Variants in ZNF385B observed in about 807,000 individuals in gnomAD.
ZNF385B encodes the protein zinc finger protein 385B.
ZNF385B carries 23 observed loss-of-function variants against 39.2 expected under a neutral mutation model. The ratio of observed to expected loss-of-function variants is 0.59; its 90% CI spans 0.42 to 0.83. The LOEUF is 0.83. ZNF385B is among the 40% of genes least tolerant of loss of function. ZNF385B has a pLI of 0.00. For synonymous variants in ZNF385B, 205 were observed against 222.6 expected, an observed-to-expected ratio of 0.92 and a Z score of 0.70; for missense variants, 552 against 598.9, an observed-to-expected ratio of 0.92 and a Z score of 0.82.
chr2:179,820,150 A>G (rs961921240), intron 1 of ZNF385B, among the ~76,000 whole-genome samples: 3 of 152,074 alleles, frequency 2.0e-5, no homozygotes, highest in Non-Finnish European at 4.4e-5. Flanking sequence ...AGTGGTAAGA[A>G]TTTTTTAAAA....
At chr2:179,505,717 C>A (rs2057191333) in intron 5 of ZNF385B, among the ~76,000 whole-genome samples, 1 of 152,036 alleles carries the variant, frequency 6.6e-6, no homozygotes, top group Non-Finnish European at 1.5e-5. Flanking sequence ...TAAAGCAGAA[C>A]TAGAATTCCT....
intron 6 of ZNF385B, among the ~76,000 whole-genome samples, chr2:179,451,708 T>C (rs566552045): frequency 6.6e-6 from 1 of 152,280 alleles, no homozygotes; most frequent in East Asian, 1.9e-4. Context: ...AAACAGATCC[T>C]AAAATTTGAA....
Position 179,562,309 on chromosome 2 carries a change from G to A in ZNF385B, c.299-17340C>T, listed in dbSNP as rs1017255482. ...AATTCTGATACTTTTCTCTTTTTCT[G>A]AAATTCATTTGACCTGTTTTATATT... On this transcript the variant is annotated intron_variant, in intron 3 of 9. Transcript: ENST00000410066. The A allele has an allele frequency of 1.3e-5, 11 of 870,828 alleles. No homozygotes were observed. In the African/African-American group the frequency reaches 1.6e-4, roughly 13 times the overall value. The allele number at this position is 870,828 out of a possible 1,614,324, so 53.9% of individuals were successfully genotyped here.
chr2:179,614,752 A>G (rs967238353), intron 3 of ZNF385B, among the ~76,000 whole-genome samples: 2 of 152,240 alleles, frequency 1.3e-5, no homozygotes, highest in South Asian at 4.1e-4. Flanking sequence ...CTAGAGAGCA[A>G]AGAGAAGTGT....
In ZNF385B at chr2:179,835,163, A is replaced by C. The variant is rs147392340; in HGVS notation, c.-155+25938T>G. 5.3e-3 allele frequency among the ~76,000 whole-genome samples: 809 copies of C among 152,324 alleles called. 10 individuals are homozygous for C. Among genetic ancestry groups the C allele is most frequent in the African/African-American group, 0.018 (761 of 41,560 alleles). ...CTGGACATGACCGGATACACACTGA[A>C]GTATTTAAGGGTGAAATGTCATGAT... On this transcript the variant is annotated intron_variant, in intron 1 of 9. Coordinates refer to ENST00000410066, the MANE Select transcript of ZNF385B (RefSeq NM_152520.6).
chr2:179,733,152 T>C (rs1260858626), intron 3 of ZNF385B, among the ~76,000 whole-genome samples: 1 of 152,208 alleles, frequency 6.6e-6, no homozygotes, highest in Non-Finnish European at 1.5e-5. Flanking sequence ...ATACCAGAAA[T>C]GATCATAGAG....
In ZNF385B at chr2:179,493,681, A is replaced by ATATGCATATATG. The variant is rs2055653476; in HGVS notation, c.553-10248_553-10247insCATATATGCATA. Among the ~76,000 whole-genome samples the ATATGCATATATG allele has an allele frequency of 9.4e-5, 11 of 117,204 alleles. No homozygotes were observed. The Admixed American group carries it at 1.0e-3, about 11-fold the overall frequency. The allele number at this position is 117,204 out of a possible 152,430, so 76.9% of individuals were successfully genotyped here. A position where few individuals can be genotyped will look rare whatever the true frequency, so the allele number is the denominator to read the frequency against. On this transcript the variant is annotated intron_variant, in intron 5 of 9. Transcript: ENST00000410066. ...TATATGTATATGCATATGCATATAC[A>ATATGCATATATG]TATACACATATATACATATATGTAT...
chr2:179,836,758 T>A (rs1158648117), intron 1 of ZNF385B, among the ~76,000 whole-genome samples: 6 of 151,956 alleles, frequency 3.9e-5, no homozygotes, highest in African/African-American at 1.5e-4. Flanking sequence ...GACCTCATGA[T>A]CCACCCGCCT....
At chr2:179,583,676 T>G (rs73039384) in intron 3 of ZNF385B, among the ~76,000 whole-genome samples, 30,369 of 152,136 alleles carry the variant, frequency 0.2, 3,178 homozygotes, top group East Asian at 0.26. Flanking sequence ...GATACAAACA[T>G]GTACATAGTT....
intron 1 of ZNF385B, among the ~76,000 whole-genome samples, chr2:179,815,459 G>A (rs1343738473): frequency 1.3e-5 from 2 of 151,326 alleles, no homozygotes; most frequent in Non-Finnish European, 2.9e-5. Flanking sequence ...CTGAATGGGA[G>A]CAGGAGCTAA....
chr2:179,849,574 G>C (rs1336253956), intron 1 of ZNF385B, among the ~76,000 whole-genome samples: 2 of 152,204 alleles, frequency 1.3e-5, no homozygotes, highest in Non-Finnish European at 2.9e-5. Context: ...TATTGGGAAG[G>C]TAGGGTCCAG....
At chr2:179,682,048 T>C (rs1218710091) in intron 3 of ZNF385B, among the ~76,000 whole-genome samples, 1 of 152,192 alleles carries the variant, frequency 6.6e-6, no homozygotes, top group Non-Finnish European at 1.5e-5. Flanking sequence ...TTACCTGTAA[T>C]GCCACCAAAG....
At chr2:179,631,044 T>C (rs1450883551) in intron 3 of ZNF385B, among the ~76,000 whole-genome samples, 3 of 152,190 alleles carry the variant, frequency 2.0e-5, no homozygotes, top group African/African-American at 7.2e-5. Context: ...CTACGTTTGA[T>C]TGGTGTACCT....
chr2:179,847,671 T>C (rs766824036), intron 1 of ZNF385B, among the ~76,000 whole-genome samples: 6 of 152,134 alleles, frequency 3.9e-5, no homozygotes, highest in East Asian at 3.9e-4. Context: ...CAAAGCAACG[T>C]TGAACCAGAG....
At chr2:179,600,414 A>C (rs576146395) in intron 3 of ZNF385B, among the ~76,000 whole-genome samples, 48 of 152,352 alleles carry the variant, frequency 3.2e-4, no homozygotes, top group Non-Finnish European at 7.1e-4. Context: ...GATGCTGACA[A>C]GTTTGACAAT....
intron 6 of ZNF385B, among the ~76,000 whole-genome samples, chr2:179,457,196 T>C (rs1175885130): frequency 6.6e-6 from 1 of 152,188 alleles, no homozygotes; most frequent in Admixed American, 6.6e-5. Context: ...TCATCTGTAT[T>C]ATTATAGACA....
At chr2:179,520,210 T>G (rs934634944) in intron 4 of ZNF385B, among the ~76,000 whole-genome samples, 1 of 151,922 alleles carries the variant, frequency 6.6e-6, no homozygotes, top group African/African-American at 2.4e-5. Context: ...TCTGGAGAGA[T>G]AGCCTAACTA....
intron 7 of ZNF385B, 70 bp downstream of exon 7, chr2:179,446,455 T>A (rs1170020027): frequency 6.5e-7 from 1 of 1,537,750 alleles, no homozygotes; most frequent in Non-Finnish European, 8.8e-7. Context: ...CAACAAAAGA[T>A]ATGGTATTCT....
At chr2:179,631,867 C>CAA (rs35389771) in intron 3 of ZNF385B, among the ~76,000 whole-genome samples, 9,881 of 151,242 alleles carry the variant, frequency 0.065, 515 homozygotes, top group East Asian at 0.24. Flanking sequence ...CAAAAACAAA[C>CAA]AAAAAAAACA....
Sources: allele counts gnomAD v4.1 joint callset (sites outside exome capture counted in the v4.1 genomes callset), GRCh38; gene constraint gnomAD v4.1.1; transcripts MANE v1.5; gene names NCBI Gene and HGNC (gene_info 2026-07-23, HGNC 2026-07-21).